Variants in CCDC88A observed in about 807,000 individuals in gnomAD.
CCDC88A encodes the protein girdin.
CCDC88A carries 54 observed loss-of-function variants against 234.3 expected under a neutral mutation model. That is an observed-to-expected ratio of 0.23 (90% CI 0.19 to 0.29). The LOEUF (loss-of-function observed/expected upper bound fraction) is 0.29, where lower values mean the gene tolerates loss of function less well. Among genes scored for constraint, CCDC88A ranks in the 10% least tolerant of loss-of-function variants. The pLI is 1.00. For missense variants in CCDC88A, 1,832 were observed against 2,123.4 expected, an observed-to-expected ratio of 0.86 and a Z score of 2.70; for synonymous variants, 753 against 737.8, an observed-to-expected ratio of 1.02 and a Z score of -0.33.
In CCDC88A at chr2:55,291,821, A is replaced by C. The variant is rs752228639; in HGVS notation, c.5552-46T>G. The C allele has an allele frequency of 1.5e-5, 22 of 1,443,900 alleles. No individual in the cohort carries two copies. In the South Asian group the frequency reaches 2.5e-4, roughly 17 times the overall value. 89.4% of individuals were successfully genotyped at this position (1,443,900 alleles called of 1,614,324 possible). A position where few individuals can be genotyped will look rare whatever the true frequency, so the allele number is the denominator to read the frequency against. On this transcript the variant is annotated intron_variant, in intron 31 of 32. Coordinates refer to ENST00000436346, the MANE Select transcript of CCDC88A (RefSeq NM_001365480.1). ...ATGTTATTTAGTCAAAGATGAAACA[A>C]AATACAATTCAGAAGATAAGAAATA... is the stretch of plus-strand genomic sequence containing the variant.
Position 55,308,801 on chromosome 2 carries a change from G to A in CCDC88A, c.4387+8C>T. On this transcript the variant is annotated splice_region_variant and intron_variant, in intron 25 of 32. Coordinates refer to ENST00000436346, the MANE Select transcript of CCDC88A (RefSeq NM_001365480.1). ...TCAATACGATGTTTAAAGAGTTTAA[G>A]CACTCACTGCTGCTTTTCTTGGTCC... 1 of 1,604,066 alleles carries A rather than the reference G, an allele frequency of 6.2e-7. No homozygotes were observed. The highest frequency in any genetic ancestry group is 8.5e-7 in the Non-Finnish European group (1 of 1,171,014).
Position 55,299,903 on chromosome 2 carries a change from G to C in CCDC88A, c.4761C>G (p.Ser1587Arg), listed in dbSNP as rs745524381. ...TAGTGGATGTTCTGCCACTATCAAG[G>C]CTGGCTGGTCTTGAAGCTAAATGAA... The part of the protein sequence containing the change: ...GSRVHASRPA[S>R]LDSGRTSTSN... Residue 1587 changes from serine to arginine, a missense_variant, in exon 29 of 33, where the codon AGC becomes AGG. This residue lies in a region of CCDC88A where 422 missense variants were observed against 416.5 expected (regional missense o/e 1.01). Transcript: ENST00000436346. 1.2e-6 allele frequency: 2 copies of C among 1,613,018 alleles called. No individual in the cohort carries two copies. Among genetic ancestry groups the C allele is most frequent in the South Asian group, 1.1e-5 (1 of 91,050 alleles).
In CCDC88A at chr2:55,419,516, A is replaced by G; in HGVS notation, c.-437T>C. ...AACAGAGACCACGTTAAGGATACCG[A>G]GGCGCCACCAGACTCGACCTCGGCG... On this transcript the variant is annotated 5_prime_UTR_variant, in exon 1 of 33. Transcript: ENST00000436346. The G allele has an allele frequency of 1.2e-5, 2 of 161,944 alleles. No individual in the cohort carries two copies. Among genetic ancestry groups the G allele is most frequent in the Non-Finnish European group, 2.7e-5 (2 of 74,104 alleles). The allele number at this position is 161,944 out of a possible 1,614,324, so 10.0% of individuals were successfully genotyped here.
rs1196763922 is a variant in CCDC88A, at chr2:55,288,899, C to T, written c.*2301G>A. The T allele has an allele frequency of 6.6e-6, 1 of 152,116 alleles. No individual in the cohort carries two copies. Among genetic ancestry groups the T allele is most frequent in the Non-Finnish European group, 1.5e-5 (1 of 68,016 alleles). The allele number at this position is 152,116 out of a possible 1,614,324, so 9.4% of individuals were successfully genotyped here. On this transcript the variant is annotated 3_prime_UTR_variant, in exon 33 of 33. Coordinates refer to ENST00000436346, the MANE Select transcript of CCDC88A (RefSeq NM_001365480.1). The stretch of plus-strand genomic sequence containing the variant: ...GAAGAGTGGCTTCCTACAAAGTTTG[C>T]TTCTCAAGGTATACTGGAGAAAGTA...
intron 5 of CCDC88A, among the ~76,000 whole-genome samples, chr2:55,369,797 G>A (rs1672558934): frequency 6.6e-6 from 1 of 151,756 alleles, no homozygotes; most frequent in South Asian, 2.1e-4. Context: ...CTTGTCAGAG[G>A]GCTTTCCTAA....
chr2:55,295,547 T>C, intron 31 of CCDC88A, 50 bp downstream of exon 31: 1 of 1,614,042 alleles, frequency 6.2e-7, no homozygotes. Flanking sequence ...CTATAGTATG[T>C]GTTGGGATGT....
At chr2:55,292,656 T>C (rs1321818721) in intron 31 of CCDC88A, 3 of 151,954 alleles carry the variant, frequency 2.0e-5, no homozygotes, top group African/African-American at 7.3e-5. Context: ...TGGTCAGGAG[T>C]TGGAGACTAG....
chr2:55,371,887 G>T (rs140377916), intron 5 of CCDC88A, among the ~76,000 whole-genome samples: 1 of 152,180 alleles, frequency 6.6e-6, no homozygotes, highest in African/African-American at 2.4e-5. Flanking sequence ...CCTGAAAGAA[G>T]ATATTATGAG....
At chr2:55,357,051 T>C (rs1041665559) in intron 7 of CCDC88A, among the ~76,000 whole-genome samples, 4 of 152,188 alleles carry the variant, frequency 2.6e-5, no homozygotes, top group East Asian at 3.9e-4. Flanking sequence ...CACTGCAGAA[T>C]TGGACAGCAC....
chr2:55,373,694 C>T (rs941811814), intron 4 of CCDC88A, among the ~76,000 whole-genome samples: 11 of 152,090 alleles, frequency 7.2e-5, no homozygotes, highest in East Asian at 3.8e-4. Context: ...CCATCCTACA[C>T]GCAATTTTTT....
At chr2:55,312,650 G>C in intron 22 of CCDC88A, 71 bp from the exon 23 acceptor site, 8 of 1,046,294 alleles carry the variant, frequency 7.6e-6, no homozygotes, top group South Asian at 2.9e-5. Flanking sequence ...AAAATATGAA[G>C]TACTACACAA....
At position 55,322,656 on chromosome 2, in the gene CCDC88A, C is replaced by A. The variant is rs1173744570; in HGVS notation, c.3034G>T (p.Asp1012Tyr). ...GAGCTCTGTACCATCCTTTCCTCAT[C>A]TTGTCTCTGTTTGAGAGCTTCATAA... ...KNYEALKQRQ[D>Y]EERMVQSSPP... Residue 1012 changes from aspartate to tyrosine, a missense_variant, in exon 18 of 33, where the codon GAT becomes TAT. Asp to Tyr is a radical substitution (Grantham distance 160). Transcript: ENST00000436346. The A allele has an allele frequency of 1.9e-6, 3 of 1,572,380 alleles. No homozygotes were observed. The highest frequency in any genetic ancestry group is 2.7e-5 in the African/African-American group (2 of 73,284).
At position 55,290,008 on chromosome 2, in the gene CCDC88A, TTAA is replaced by T. The variant is rs1558607149; in HGVS notation, c.*1189_*1191del. 6.6e-6 allele frequency: 1 copy of T among 152,568 alleles called. No individual in the cohort carries two copies. Among genetic ancestry groups the T allele is most frequent in the Non-Finnish European group, 1.5e-5 (1 of 67,976 alleles). The allele number at this position is 152,568 out of a possible 1,614,324, so 9.5% of individuals were successfully genotyped here. A position where few individuals can be genotyped will look rare whatever the true frequency, so the allele number is the denominator to read the frequency against. ...ATTGATGTTAAATAATGAATTTGCA[TTAA>T]TGAGTATCAATGCATTTTTTGATTT... On this transcript the variant is annotated 3_prime_UTR_variant, in exon 33 of 33. Transcript: ENST00000436346.
intron 6 of CCDC88A, chr2:55,363,646 C>A (rs1165265543): frequency 1.9e-5 from 4 of 212,624 alleles, no homozygotes; most frequent in African/African-American, 9.1e-5. Flanking sequence ...CAGTGTTCCA[C>A]TTTCTGCTGT....
intron 2 of CCDC88A, among the ~76,000 whole-genome samples, chr2:55,412,935 G>A (rs72799594): frequency 0.032 from 4,864 of 152,304 alleles, 113 homozygotes; most frequent in Middle Eastern, 0.068. Context: ...AGGCGCAGTG[G>A]CTCATGCCTG....
chr2:55,389,634 T>A (rs1428133365), intron 2 of CCDC88A, among the ~76,000 whole-genome samples: 1 of 152,226 alleles, frequency 6.6e-6, no homozygotes, highest in Non-Finnish European at 1.5e-5. Flanking sequence ...TGGTGCTTTA[T>A]TTCCATAATT....
chr2:55,296,776 C>T lies in CCDC88A; in HGVS notation c.4826-253G>A. On this transcript the variant is annotated intron_variant, in intron 29 of 32. Transcript: ENST00000436346. The stretch of plus-strand genomic sequence containing the variant: ...AAGGGCAAAGACTTGCTTTTACTAT[C>T]ATACTCAGAGCCTAAACAGAGCCTC... The T allele has an allele frequency of 1.1e-5, 5 of 474,948 alleles. No individual in the cohort carries two copies. The South Asian group carries it at 1.5e-4, about 14-fold the overall frequency. 29.4% of individuals were successfully genotyped at this position (474,948 alleles called of 1,614,324 possible).
chr2:55,351,855 G>A (rs1401253442), intron 8 of CCDC88A, among the ~76,000 whole-genome samples: 1 of 152,118 alleles, frequency 6.6e-6, no homozygotes. Flanking sequence ...TAATCAAAAT[G>A]CGGTATATCC....
At chr2:55,347,954 A>T (rs1276437919) in intron 9 of CCDC88A, among the ~76,000 whole-genome samples, 1 of 149,562 alleles carries the variant, frequency 6.7e-6, no homozygotes, top group Non-Finnish European at 1.5e-5. Flanking sequence ...GGAATGGGTT[A>T]ATTTTTTAAT....
Sources: allele counts gnomAD v4.1 joint callset (sites outside exome capture counted in the v4.1 genomes callset), GRCh38; gene constraint gnomAD v4.1.1; regional missense constraint gnomAD v4.1.1; transcripts MANE v1.5; gene names NCBI Gene and HGNC (gene_info 2026-07-23, HGNC 2026-07-21).